The following RGPD3 variants were observed in gnomAD, a reference collection of about 807,000 sequenced individuals.
RGPD3 encodes ranBP2-like and GRIP domain-containing protein 3.
Under a neutral mutation model 154.5 loss-of-function variants are expected in RGPD3, and 62 were observed. That is an observed-to-expected ratio of 0.40 (90% CI 0.33 to 0.50). The LOEUF (loss-of-function observed/expected upper bound fraction) is 0.50. RGPD3 is among the 20% of genes least tolerant of loss of function. The pLI is 0.59. For missense variants in RGPD3, 919 were observed against 1,716.8 expected (o/e 0.54, Z 8.21); for synonymous variants, 308 against 607.0 (o/e 0.51, Z 7.24).
chr2:106,414,155 C>A (rs1477839235), intron 21 of RGPD3, among the ~76,000 whole-genome samples: 2 of 151,882 alleles, frequency 1.3e-5, no homozygotes. Flanking sequence ...AAGGTAATAT[C>A]ATGTTCAAGT....
At position 106,420,367 on chromosome 2, in the gene RGPD3, A is replaced by T. The variant is rs576867785; in HGVS notation, c.4924+2676T>A. ...AATTAGAAACAGAAAAAACTTCTAT[A>T]TGCAACCTGTTCTGATCTACTAATG... On this transcript the variant is annotated intron_variant, in intron 20 of 22. Coordinates refer to ENST00000409886, the MANE Select transcript of RGPD3 (RefSeq NM_001144013.2). Among the ~76,000 whole-genome samples the T allele has an allele frequency of 3.7e-4, 57 of 152,150 alleles. 1 individual carries two copies. The highest frequency in any genetic ancestry group is 1.3e-3 in the African/African-American group (54 of 41,528).
chr2:106,410,240 T>C (rs1676630597), intron 22 of RGPD3, among the ~76,000 whole-genome samples: 1 of 152,140 alleles, frequency 6.6e-6, no homozygotes, highest in South Asian at 2.1e-4. Flanking sequence ...ATCATGGTTT[T>C]TAATTATAAT....
intron 1 of RGPD3, among the ~76,000 whole-genome samples, chr2:106,466,823 G>A (rs1678617488): frequency 5.4e-5 from 4 of 74,542 alleles, no homozygotes; most frequent in African/African-American, 1.9e-4. Context: ...CGCCTCAACA[G>A]AGCGCGCCAG....
chr2:106,468,172 C>T (rs1425597254), intron 1 of RGPD3, 45 bp downstream of exon 1: 9 of 1,564,946 alleles, frequency 5.8e-6, no homozygotes, highest in Non-Finnish European at 6.9e-6. Context: ...TCGAGGCCGC[C>T]GCCCGGCCAG....
upstream of RGPD3, among the ~76,000 whole-genome samples, chr2:106,469,297 A>T (rs1305158797): frequency 1.4e-5 from 2 of 147,832 alleles, no homozygotes; most frequent in African/African-American, 5.0e-5. Flanking sequence ...CATTTCCATG[A>T]CCTTACACCT....
intron 20 of RGPD3, among the ~76,000 whole-genome samples, chr2:106,420,698 G>A (rs2581037): frequency 8.5e-5 from 13 of 152,340 alleles, no homozygotes; most frequent in South Asian, 2.1e-4. Flanking sequence ...CAAATCTATC[G>A]ATAAAGTTAC....
chr2:106,446,818 G>C (rs1677952357), intron 7 of RGPD3, among the ~76,000 whole-genome samples: 1 of 151,094 alleles, frequency 6.6e-6, no homozygotes, highest in South Asian at 2.1e-4. Context: ...GGAGGTGGAG[G>C]CTGCAGTGAG....
rs1034382911 is a variant in RGPD3, at chr2:106,429,368, T to G, written c.2605+278A>C. On this transcript the variant is annotated intron_variant, in intron 18 of 22. Transcript: ENST00000409886. ...GCATAACTCTATTCAATAACATTTT[T>G]CAATTTAAGGAATAATCTAATCTCA... Among the ~76,000 whole-genome samples the G allele has an allele frequency of 5.1e-4, 78 of 151,634 alleles. 1 individual carries two copies. The highest frequency in any genetic ancestry group is 1.7e-3 in the African/African-American group (70 of 41,110).
rs766967841 is a variant in RGPD3 at position 106,424,834 on chromosome 2, G to A, written c.3133C>T (p.Pro1045Ser). ...DIHFEPVVQMPEKVELVTGEE... is the reference protein window; with the variant it reads ...DIHFEPVVQMSEKVELVTGEE... The stretch of plus-strand genomic sequence containing the variant: ...CCTGTTACAAGTTCTACTTTTTCAG[G>A]CATTTGAACTACTGGTTCAAAATGG... The change falls in exon 20 of 23, where the codon CCT becomes TCT. Residue 1045 changes from proline to serine, a missense_variant. By Grantham distance (74) the Pro-to-Ser change is moderately conservative (BLOSUM62 -1). Coordinates refer to ENST00000409886, the MANE Select transcript of RGPD3 (RefSeq NM_001144013.2). The A allele has an allele frequency of 6.2e-6, 10 of 1,611,442 alleles. No homozygotes were observed. The highest frequency in any genetic ancestry group is 7.6e-6 in the Non-Finnish European group (9 of 1,179,766).
chr2:106,437,545 T>C (rs562936527), intron 9 of RGPD3, among the ~76,000 whole-genome samples: 1 of 152,290 alleles, frequency 6.6e-6, no homozygotes, highest in East Asian at 1.9e-4. Context: ...GAAAAGGTTA[T>C]GCGCTTCTGG....
intron 20 of RGPD3, among the ~76,000 whole-genome samples, chr2:106,420,870 G>T (rs1676963215): frequency 6.6e-6 from 1 of 152,202 alleles, no homozygotes; most frequent in South Asian, 2.1e-4. Flanking sequence ...GGAACTTGTG[G>T]GCTCAAGTGA....
In RGPD3 at chr2:106,467,000, T is replaced by C. The variant is rs866254516; in HGVS notation, c.72+1217A>G. Among the ~76,000 whole-genome samples the C allele has an allele frequency of 1.9e-3, 189 of 99,286 alleles. 15 individuals are homozygous for C. Among genetic ancestry groups the C allele is most frequent in the African/African-American group, 6.0e-3 (175 of 29,070 alleles). The allele number at this position is 99,286 out of a possible 152,430, so 65.1% of individuals were successfully genotyped here. On this transcript the variant is annotated intron_variant, in intron 1 of 22. Coordinates refer to ENST00000409886, the MANE Select transcript of RGPD3 (RefSeq NM_001144013.2). ...GGGCCAGGTCGAGGCTGCCGCCGCCTGGCCAGGTCGAGGCCGCCGCCGCCG... is the reference window on the plus strand; with the variant it reads ...GGGCCAGGTCGAGGCTGCCGCCGCCCGGCCAGGTCGAGGCCGCCGCCGCCG...
chr2:106,441,167 T>C (rs1677730610), intron 8 of RGPD3, 126 bp downstream of exon 8: 2 of 1,376,260 alleles, frequency 1.5e-6, no homozygotes, highest in African/African-American at 1.5e-5. Flanking sequence ...TGCTCTTAAC[T>C]GATACGGCGA....
At chr2:106,412,688 T>G in intron 22 of RGPD3, 1 of 457,512 alleles carries the variant, frequency 2.2e-6, no homozygotes. Flanking sequence ...TATGGCTCCA[T>G]TGTCTTAAGC....
chr2:106,446,107 A>G (rs368509212), intron 7 of RGPD3, among the ~76,000 whole-genome samples: 9 of 103,456 alleles, frequency 8.7e-5, no homozygotes, highest in African/African-American at 2.9e-4. Flanking sequence ...AAAAAGATTT[A>G]TATTAGGAGG....
In RGPD3 at chr2:106,423,834, C is replaced by G. The variant is rs759915607; in HGVS notation, c.4133G>C (p.Gly1378Ala). The G allele has an allele frequency of 1.2e-6, 2 of 1,611,858 alleles. No homozygotes were observed. The highest frequency in any genetic ancestry group is 1.3e-5 in the African/African-American group (1 of 74,832). ...DKDVGQWKER[G>A]IGDIKILQNY... is the part of the protein sequence containing the mutation. ...CTGTAAAATCTTTATATCACCAATG[C>G]CCCTTTCTTTCCATTGACCAACATC... is the stretch of plus-strand genomic sequence containing the variant. Residue 1378 changes from glycine (G) to alanine (A), a missense_variant, in exon 20 of 23, where the codon GGC (glycine) becomes GCC (alanine). Physicochemically the swap from Gly to Ala is moderately conservative, Grantham distance 60. Transcript: ENST00000409886.
Position 106,404,089 on chromosome 2 carries a change from C to T in RGPD3, c.*1130G>A, listed in dbSNP as rs1412008288. On this transcript the variant is annotated 3_prime_UTR_variant, in exon 23 of 23. Coordinates refer to ENST00000409886, the MANE Select transcript of RGPD3 (RefSeq NM_001144013.2). Reference sequence around the variant, plus strand: ...TCAGAGGAACTGTGAAGATGTAGCACGGACCTCTAAGGTGTCTAAAATCCC... The same window carrying T: ...TCAGAGGAACTGTGAAGATGTAGCATGGACCTCTAAGGTGTCTAAAATCCC... 6.6e-5 allele frequency among the ~76,000 whole-genome samples: 10 copies of T among 152,172 alleles called. No individual in the cohort carries two copies. Among genetic ancestry groups the T allele is most frequent in the Admixed American group, 2.0e-4 (3 of 15,274 alleles).
intron 21 of RGPD3, among the ~76,000 whole-genome samples, chr2:106,413,550 G>T (rs555698648): frequency 2.6e-4 from 39 of 152,306 alleles, no homozygotes; most frequent in African/African-American, 9.1e-4. Flanking sequence ...CCTAGAAAGT[G>T]GATTGCTGCA....
At position 106,404,066 on chromosome 2, in the gene RGPD3, A is replaced by C. The variant is rs1185970403; in HGVS notation, c.*1153T>G. Among the ~76,000 whole-genome samples the C allele has an allele frequency of 2.6e-5, 4 of 151,724 alleles. No homozygotes were observed. Among genetic ancestry groups the C allele is most frequent in the Admixed American group, 1.3e-4 (2 of 15,238 alleles). Reference sequence around the variant, plus strand: ...GTAACACTACCACCTAAGGTTATTCAGAGGAACTGTGAAGATGTAGCACGG... The same window carrying C: ...GTAACACTACCACCTAAGGTTATTCCGAGGAACTGTGAAGATGTAGCACGG... On this transcript the variant is annotated 3_prime_UTR_variant, in exon 23 of 23. Transcript: ENST00000409886.
Sources: allele counts gnomAD v4.1 joint callset (sites outside exome capture counted in the v4.1 genomes callset), GRCh38; gene constraint gnomAD v4.1.1; transcripts MANE v1.5; gene names NCBI Gene and HGNC (gene_info 2026-07-23, HGNC 2026-07-21).